Variants in MRC2 observed in about 807,000 individuals in gnomAD.
MRC2 encodes mannose receptor C-type 2.
In MRC2, 84 loss-of-function variants were observed where a neutral mutation model predicts 206.2. That is an observed-to-expected ratio of 0.41 (90% CI 0.34 to 0.49). The LOEUF (loss-of-function observed/expected upper bound fraction) is 0.49. Among genes scored for constraint, MRC2 ranks in the 20% least tolerant of loss-of-function variants. The pLI is 0.31. For synonymous variants in MRC2, 798 were observed against 800.0 expected (o/e 1.00, Z 0.04); for missense variants, 1,676 against 2,001.5 (o/e 0.84, Z 3.10).
intron 12 of MRC2, among the ~76,000 whole-genome samples, chr17:62,677,854 A>G (rs576459400): frequency 2.4e-4 from 36 of 152,300 alleles, no homozygotes; most frequent in African/African-American, 8.7e-4. Context: ...GATCGAGACC[A>G]TCCTGGCTAA....
Position 62,678,565 on chromosome 17 carries a change from A to G in MRC2, c.2114A>G (p.Gln705Arg). The G allele has an allele frequency of 6.2e-7, 1 of 1,609,872 alleles. No individual in the cohort carries two copies. Among genetic ancestry groups the G allele is most frequent in the Non-Finnish European group, 8.5e-7 (1 of 1,178,922 alleles). Residue 705 changes from glutamine (Q) to arginine (R), a missense_variant, in exon 13 of 30, where the codon CAG (glutamine) becomes CGG (arginine). Gln to Arg is a conservative substitution (Grantham distance 43). Coordinates refer to ENST00000303375, the MANE Select transcript of MRC2 (RefSeq NM_006039.5). Reference sequence around the variant, plus strand: ...TGGGTCCAGGCCCAGGGGGCCTGCCAGGAGCTGGGGGCCCAGCTGCTGAGC... The same window carrying G: ...TGGGTCCAGGCCCAGGGGGCCTGCCGGGAGCTGGGGGCCCAGCTGCTGAGC... ...KSWVQAQGAC[Q>R]ELGAQLLSLA...
intron 1 of MRC2, among the ~76,000 whole-genome samples, chr17:62,635,551 G>T (rs2088303391): frequency 6.6e-6 from 1 of 152,070 alleles, no homozygotes; most frequent in Non-Finnish European, 1.5e-5. Flanking sequence ...TACTGTCTGA[G>T]GGACTGCCTC....
In MRC2 at chr17:62,627,687, C is replaced by T. The variant is rs1157826252; in HGVS notation, c.-116C>T. 6 of 716,554 alleles carry T rather than the reference C, an allele frequency of 8.4e-6. No homozygotes were observed. Among genetic ancestry groups the T allele is most frequent in the African/African-American group, 3.7e-5 (2 of 53,710 alleles). 44.4% of individuals were successfully genotyped at this position (716,554 alleles called of 1,614,324 possible). On this transcript the variant is annotated 5_prime_UTR_variant, in exon 1 of 30. Coordinates refer to ENST00000303375, the MANE Select transcript of MRC2 (RefSeq NM_006039.5). ...CGGGAGGCATCACTTCGTCCCGACC[C>T]GGAGGAGGACGCGAGCCCCTTGCGG... is the stretch of plus-strand genomic sequence containing the variant.
In MRC2 at chr17:62,627,757, C is replaced by T; in HGVS notation, c.-46C>T. The stretch of plus-strand genomic sequence containing the variant: ...CTCGGGGCTGCCACAGCGCGTTGCG[C>T]CTGTGCGCCCTCGGTCCCCGCGTCC... On this transcript the variant is annotated 5_prime_UTR_variant, in exon 1 of 30. Transcript: ENST00000303375. The T allele has an allele frequency of 4.5e-6, 6 of 1,335,670 alleles. No homozygotes were observed. The highest frequency in any genetic ancestry group is 5.8e-6 in the Non-Finnish European group (6 of 1,041,452). 82.7% of individuals were successfully genotyped at this position (1,335,670 alleles called of 1,614,324 possible). A position where few individuals can be genotyped will look rare whatever the true frequency, so the allele number is the denominator to read the frequency against.
Position 62,666,373 on chromosome 17 carries a change from G to A in MRC2, c.695-82G>A. ...GAGATACTGCCCCCTCCCCTACCTAGTGTAGCCTTTTGGTGGGGGAGGGTC... is the reference window on the plus strand; with the variant it reads ...GAGATACTGCCCCCTCCCCTACCTAATGTAGCCTTTTGGTGGGGGAGGGTC... On this transcript the variant is annotated intron_variant, in intron 3 of 29. Coordinates refer to ENST00000303375, the MANE Select transcript of MRC2 (RefSeq NM_006039.5). The surrounding 1 kb of genome is among the most constrained non-coding windows in gnomAD (Gnocchi z 5.0). 1 of 1,601,154 alleles carries A rather than the reference G, an allele frequency of 6.2e-7. No homozygotes were observed. Among genetic ancestry groups the A allele is most frequent in the Admixed American group, 1.7e-5 (1 of 59,266 alleles).
At chr17:62,641,400 C>T (rs904342630) in intron 1 of MRC2, among the ~76,000 whole-genome samples, 1 of 151,960 alleles carries the variant, frequency 6.6e-6, no homozygotes, top group South Asian at 2.1e-4. Flanking sequence ...AAACAGGAAC[C>T]TGTCTGACAG....
chr17:62,685,382 T>A (rs1175734384), intron 20 of MRC2, among the ~76,000 whole-genome samples: 1 of 152,208 alleles, frequency 6.6e-6, no homozygotes, highest in African/African-American at 2.4e-5. Context: ...CTGTATCATA[T>A]TTTGAGCATC....
Position 62,672,271 on chromosome 17 carries a change from A to C in MRC2, c.1461+119A>C. The C allele has an allele frequency of 8.4e-7, 1 of 1,191,746 alleles. No homozygotes were observed. The highest frequency in any genetic ancestry group is 1.2e-6 in the Non-Finnish European group (1 of 832,344). The allele number at this position is 1,191,746 out of a possible 1,614,324, so 73.8% of individuals were successfully genotyped here. ...ACCTGCCTGGAACCTCTTACCTCTC[A>C]GCAGTCCCCCTCCTCCCCACCAATG... On this transcript the variant is annotated intron_variant, in intron 8 of 29. Coordinates refer to ENST00000303375, the MANE Select transcript of MRC2 (RefSeq NM_006039.5). This position sits in a 1 kb window ranked among gnomAD's most constrained non-coding sequence, Gnocchi z 4.5.
At chr17:62,690,812 G>A (rs752620834) in intron 27 of MRC2, 51 bp downstream of exon 27, 70 of 1,536,510 alleles carry the variant, frequency 4.6e-5, no homozygotes, top group Non-Finnish European at 5.0e-5. Context: ...GCTGTAAGGG[G>A]CTGCCCTCCA....
At position 62,680,121 on chromosome 17, in the gene MRC2, C is replaced by G. The variant is rs2088944096; in HGVS notation, c.2299-49C>G. 1 of 1,611,268 alleles carries G rather than the reference C, an allele frequency of 6.2e-7. No homozygotes were observed. On this transcript the variant is annotated intron_variant, in intron 14 of 29. Transcript: ENST00000303375. This position sits in a 1 kb window ranked among gnomAD's most constrained non-coding sequence, Gnocchi z 4.8. ...TCACCTGTTCCGGGCATGGGGGCGG[C>G]CTGCACCTTGCGCCTCACGTTCCTC... is the stretch of plus-strand genomic sequence containing the variant.
Position 62,666,466 on chromosome 17 carries a change from G to A in MRC2, c.706G>A (p.Glu236Lys), listed in dbSNP as rs758312714. ...GFCPIKSNDCETFWDKDQLTD... is the reference protein window; with the variant it reads ...GFCPIKSNDCKTFWDKDQLTD... ...TGTCGTGGTGGCAGGTAACGACTGC[G>A]AGACCTTCTGGGACAAGGACCAGCT... Residue 236 changes from glutamate (E) to lysine (K), a missense_variant, in exon 4 of 30, where the codon GAG (glutamate) becomes AAG (lysine). By Grantham distance (56) the Glu-to-Lys change is moderately conservative. Transcript: ENST00000303375. The surrounding 1 kb of genome is among the most constrained non-coding windows in gnomAD (Gnocchi z 5.0). 7.4e-6 allele frequency: 12 copies of A among 1,613,922 alleles called. No individual in the cohort carries two copies. The highest frequency in any genetic ancestry group is 1.0e-5 in the Non-Finnish European group (12 of 1,180,000).
At chr17:62,643,828 A>G (rs1464172930) in intron 1 of MRC2, among the ~76,000 whole-genome samples, 1 of 152,236 alleles carries the variant, frequency 6.6e-6, no homozygotes, top group Non-Finnish European at 1.5e-5. Context: ...ATATCATGGA[A>G]TAATATACAG....
In MRC2 at chr17:62,688,553, C is replaced by T. The variant is rs1484342538; in HGVS notation, c.3114C>T (p.Leu1038=). Residue 1038 remains leucine (L), a synonymous_variant, in exon 22 of 30, where the codon CTC becomes CTT. Coordinates refer to ENST00000303375, the MANE Select transcript of MRC2 (RefSeq NM_006039.5). ...TGACCTTTGACCTTTGGATTGGCCT[C>T]CATGCCTCGCAGAGGGACTTCCAGT... ...PNVTFDLWIG[L]HASQRDFQWV... 4 of 1,614,228 alleles carry T rather than the reference C, an allele frequency of 2.5e-6. No individual in the cohort carries two copies. Among genetic ancestry groups the T allele is most frequent in the East Asian group, 4.5e-5 (2 of 44,878 alleles).
At position 62,690,643 on chromosome 17, in the gene MRC2, G is replaced by A. The variant is rs1434470033; in HGVS notation, c.3894G>A (p.Ala1298=). The A allele has an allele frequency of 6.9e-6, 11 of 1,602,676 alleles. No homozygotes were observed. The highest frequency in any genetic ancestry group is 5.1e-5 in the Admixed American group (3 of 58,306). Reference sequence around the variant, plus strand: ...GACGTGGGCCTTCTTTGCATCCAGCGGGTGGGGCCGTCCTGTCTATCCTGG... The same window carrying A: ...GACGTGGGCCTTCTTTGCATCCAGCAGGTGGGGCCGTCCTGTCTATCCTGG... ...HKEARQRCQR[A]GGAVLSILDE... is the part of the protein sequence containing the mutation. Residue 1298 remains alanine (A), a splice_region_variant and synonymous_variant, in exon 27 of 30, where the codon GCG becomes GCA. Coordinates refer to ENST00000303375, the MANE Select transcript of MRC2 (RefSeq NM_006039.5).
At position 62,652,617 on chromosome 17, in the gene MRC2, C is replaced by T. The variant is rs1052661333; in HGVS notation, c.119-11931C>T. On this transcript the variant is annotated intron_variant, in intron 1 of 29. Transcript: ENST00000303375. The surrounding 1 kb of genome is among the most constrained non-coding windows in gnomAD (Gnocchi z 4.6). Reference sequence around the variant, plus strand: ...TTGGCTGCGGGCTAGCAGACGGCGCCAGGGGCAGCGGCCACGCAGACCGGG... The same window carrying T: ...TTGGCTGCGGGCTAGCAGACGGCGCTAGGGGCAGCGGCCACGCAGACCGGG... 4.6e-5 allele frequency among the ~76,000 whole-genome samples: 7 copies of T among 152,190 alleles called. No individual in the cohort carries two copies. Among genetic ancestry groups the T allele is most frequent in the African/African-American group, 1.7e-4 (7 of 41,432 alleles).
rs2088754947 is a variant in MRC2 at position 62,666,366 on chromosome 17, C to T, written c.695-89C>T. On this transcript the variant is annotated intron_variant, in intron 3 of 29. Coordinates refer to ENST00000303375, the MANE Select transcript of MRC2 (RefSeq NM_006039.5). The surrounding 1 kb of genome is among the most constrained non-coding windows in gnomAD (Gnocchi z 5.0). ...CCAGGGTGAGATACTGCCCCCTCCC[C>T]TACCTAGTGTAGCCTTTTGGTGGGG... The T allele has an allele frequency of 6.3e-7, 1 of 1,594,954 alleles. No individual in the cohort carries two copies. The highest frequency in any genetic ancestry group is 1.7e-5 in the Admixed American group (1 of 58,596).
intron 20 of MRC2, among the ~76,000 whole-genome samples, chr17:62,687,761 C>A (rs929586891): frequency 2.0e-5 from 3 of 152,042 alleles, no homozygotes; most frequent in Admixed American, 1.3e-4. Flanking sequence ...TGGGCGCCTG[C>A]AGTCCCAGCT....
intron 1 of MRC2, among the ~76,000 whole-genome samples, chr17:62,631,395 A>G (rs1003115632): frequency 1.6e-4 from 24 of 152,174 alleles, no homozygotes; most frequent in African/African-American, 5.6e-4. Flanking sequence ...GAGTCACTCA[A>G]GGCTGTGCCA....
Position 62,692,375 on chromosome 17 carries a change from G to GCAGCTC in MRC2, c.4369_4374dup (p.Ser1457_Ser1458dup). The GCAGCTC allele has an allele frequency of 6.4e-7, 1 of 1,573,844 alleles. No individual in the cohort carries two copies. The highest frequency in any genetic ancestry group is 8.6e-7 in the Non-Finnish European group (1 of 1,159,598). ...TTTGAGGGTGCCCGCTACAGCCGCA[G>GCAGCTC]CAGCTCCAGCCCCACCGAGGCCACT... On this transcript the variant is annotated inframe_insertion, in exon 30 of 30. Coordinates refer to ENST00000303375, the MANE Select transcript of MRC2 (RefSeq NM_006039.5). This position sits in a 1 kb window ranked among gnomAD's most constrained non-coding sequence, Gnocchi z 4.2.
Sources: gnomAD v4.1 joint callset for allele counts (sites outside exome capture counted in the v4.1 genomes callset) on GRCh38, gnomAD v4.1.1 for gene constraint, Gnocchi (gnomAD v3.1) non-coding constraint, MANE v1.5 for transcripts, NCBI Gene and HGNC (gene_info 2026-07-23, HGNC 2026-07-21) for gene names.